Variants in FOXP2 observed in about 807,000 individuals in gnomAD.
FOXP2 encodes forkhead box P2.
In FOXP2, 12 loss-of-function variants were observed where a neutral mutation model predicts 115.8. The ratio of observed to expected loss-of-function variants is 0.10; its 90% CI spans 0.07 to 0.17. FOXP2 has a LOEUF of 0.17. Ranked by LOEUF, FOXP2 falls within the 10% of genes least tolerant of loss-of-function variation. The probability of loss-of-function intolerance (pLI) is 1.00; values close to 1 mark genes in which losing one functional copy is unlikely to be tolerated. For missense variants in FOXP2, 629 were observed against 843.5 expected, an observed-to-expected ratio of 0.75 and a Z score of 3.15; for synonymous variants, 328 against 297.7, an observed-to-expected ratio of 1.10 and a Z score of -1.05.
rs539314008 is a variant in FOXP2 at position 114,386,485 on chromosome 7, A to G, written c.-10-40017A>G. ...GATTCAGGCTACCCTGGATCATAGAAGTCCTATAAACTACTTCAGAGATGA... is the reference window on the plus strand; with the variant it reads ...GATTCAGGCTACCCTGGATCATAGAGGTCCTATAAACTACTTCAGAGATGA... On this transcript the variant is annotated intron_variant, in intron 2 of 17. Coordinates refer to the FOXP2 transcript ENST00000634411. Among the ~76,000 whole-genome samples the G allele has an allele frequency of 6.0e-4, 92 of 152,358 alleles. 1 individual carries two copies. In the Middle Eastern group the frequency reaches 0.01, roughly 17 times the overall value.
chr7:114,159,876 G>A (rs949142537), upstream of FOXP2, among the ~76,000 whole-genome samples: 1 of 152,128 alleles, frequency 6.6e-6, no homozygotes, highest in African/African-American at 2.4e-5. Flanking sequence ...AAGATACAGG[G>A]GAAGTTCTCT....
chr7:114,467,448 T>C (rs1284191885), intron 2 of FOXP2, among the ~76,000 whole-genome samples: 2 of 152,124 alleles, frequency 1.3e-5, no homozygotes, highest in South Asian at 2.1e-4. Flanking sequence ...GAAAGAAAAG[T>C]GAAGAGTGAG....
At chr7:114,138,868 G>T (rs554622692) in intron 1 of FOXP2, among the ~76,000 whole-genome samples, 41 of 152,258 alleles carry the variant, frequency 2.7e-4, no homozygotes, top group African/African-American at 9.6e-4. Flanking sequence ...ATCCTGGATG[G>T]TATCTTGGAA....
intron 6 of FOXP2, among the ~76,000 whole-genome samples, chr7:114,634,409 A>G (rs890121975): frequency 1.3e-5 from 2 of 152,050 alleles, no homozygotes; most frequent in African/African-American, 2.4e-5. Context: ...ACAATGAGAA[A>G]TAATAAAATT....
rs146579693 is a variant in FOXP2 at position 114,431,848 on chromosome 7, C to T, written c.168+5169C>T. Among the ~76,000 whole-genome samples, 199 of 151,942 alleles carry T rather than the reference C, an allele frequency of 1.3e-3. 6 individuals are homozygous for T. The East Asian group carries it at 0.034, about 26-fold the overall frequency. ...TGGTGGAAAACTTTGAGCAATAATA[C>T]TCATGGCAGGTGAGTATTTTTTTTA... On this transcript the variant is annotated intron_variant, in intron 2 of 16. Coordinates refer to ENST00000350908, the MANE Select transcript of FOXP2 (RefSeq NM_014491.4).
chr7:114,096,753 A>C (rs1451734828), intron 1 of FOXP2, among the ~76,000 whole-genome samples: 1 of 152,216 alleles, frequency 6.6e-6, no homozygotes, highest in Non-Finnish European at 1.5e-5. Flanking sequence ...GTAAGAGCAA[A>C]GTTTAAGTGC....
intron 1 of FOXP2, chr7:114,419,746 A>ACACACC (rs1428837920): frequency 2.0e-5 from 3 of 151,534 alleles, no homozygotes; most frequent in East Asian, 1.9e-4. Context: ...ACACACACAC[A>ACACACC]CCCCAGAAAG....
chr7:114,446,906 ACCTGG>A (rs1041973231), intron 2 of FOXP2, among the ~76,000 whole-genome samples: 1 of 151,016 alleles, frequency 6.6e-6, no homozygotes, highest in Non-Finnish European at 1.5e-5. Flanking sequence ...ATGCCAACAC[ACCTGG>A]CTAATTTTTG....
At chr7:114,419,378 G>A (rs1337125339) in intron 1 of FOXP2, among the ~76,000 whole-genome samples, 1 of 151,910 alleles carries the variant, frequency 6.6e-6, no homozygotes, top group Non-Finnish European at 1.5e-5. Flanking sequence ...ATTCTGATGT[G>A]TGCTAACATT....
rs569194613 is a variant in FOXP2, at chr7:114,333,505, C to T, written c.-11+45396C>T. Among the ~76,000 whole-genome samples the T allele has an allele frequency of 2.0e-5, 3 of 152,318 alleles. No homozygotes were observed. In the East Asian group the frequency reaches 5.8e-4, roughly 29 times the overall value. Reference sequence around the variant, plus strand: ...GGGTGGCTCACGCCTGTAATCCCAGCACATCGGAAGGCCGAGGCGGGCCGA... The same window carrying T: ...GGGTGGCTCACGCCTGTAATCCCAGTACATCGGAAGGCCGAGGCGGGCCGA... On this transcript the variant is annotated intron_variant, in intron 2 of 17. Transcript: ENST00000634411.
intron 2 of FOXP2, among the ~76,000 whole-genome samples, chr7:114,379,625 G>A (rs965596603): frequency 5.3e-5 from 8 of 152,102 alleles, no homozygotes; most frequent in African/African-American, 1.7e-4. Flanking sequence ...TGCATCTGGG[G>A]CTCCATTTGA....
intron 1 of FOXP2, among the ~76,000 whole-genome samples, chr7:114,262,558 A>G (rs1346151113): frequency 6.6e-6 from 1 of 152,250 alleles, no homozygotes; most frequent in Admixed American, 6.5e-5. Context: ...AGAAATGTTC[A>G]CAATCTACAT....
chr7:114,299,761 A>G (rs1796832577), intron 2 of FOXP2, among the ~76,000 whole-genome samples: 1 of 152,004 alleles, frequency 6.6e-6, no homozygotes. Flanking sequence ...CTATTTGCAT[A>G]ATGCAGGGTG....
At chr7:114,380,862 C>T (rs1792272055) in intron 2 of FOXP2, among the ~76,000 whole-genome samples, 1 of 152,244 alleles carries the variant, frequency 6.6e-6, no homozygotes, top group African/African-American at 2.4e-5. Context: ...TATTTTCTTA[C>T]TCAGGTATGC....
intron 2 of FOXP2, among the ~76,000 whole-genome samples, chr7:114,494,479 C>G (rs977035846): frequency 1.3e-5 from 2 of 152,062 alleles, no homozygotes; most frequent in African/African-American, 2.4e-5. Flanking sequence ...GCCACCATGA[C>G]CTGCTAAAAC....
Position 114,174,170 on chromosome 7 carries a change from GTA to G in FOXP2, c.-102+11088_-102+11089del, listed in dbSNP as rs201619432. ...AATAAATGTGTGTGTATGCTTATGT[GTA>G]TATATGTGTTTGTACTCCCACACAT... On this transcript the variant is annotated intron_variant, in intron 1 of 17. Coordinates refer to the FOXP2 transcript ENST00000634411. Among the ~76,000 whole-genome samples, 497 of 152,002 alleles carry G rather than the reference GTA, an allele frequency of 3.3e-3. 1 individual carries two copies. Among genetic ancestry groups the G allele is most frequent in the African/African-American group, 0.011 (464 of 41,506 alleles).
chr7:114,483,759 C>T (rs1796655090), intron 2 of FOXP2, among the ~76,000 whole-genome samples: 1 of 151,602 alleles, frequency 6.6e-6, no homozygotes, highest in African/African-American at 2.4e-5. Context: ...ATGTGTTGTA[C>T]ACATAATAGT....
At chr7:114,309,221 C>T (rs1198101692) in intron 2 of FOXP2, among the ~76,000 whole-genome samples, 2 of 152,168 alleles carry the variant, frequency 1.3e-5, no homozygotes, top group Non-Finnish European at 2.9e-5. Flanking sequence ...AAGTGATCCT[C>T]TTTGTGTGCA....
In FOXP2 at chr7:114,644,745, G is replaced by A. The variant is rs1349250538; in HGVS notation, c.1050G>A (p.Trp350Ter). The A allele has an allele frequency of 6.2e-7, 1 of 1,613,814 alleles. No homozygotes were observed. The change falls in exon 8 of 17, where the codon TGG becomes TGA. Residue 350 changes from tryptophan (W) to a stop codon, truncating the protein, a stop_gained. Transcript: ENST00000350908. LOFTEE classifies it high-confidence loss of function. ...TCTATGGCCATGGAGTTTGCAAATG[G>A]CCAGGCTGTGAAAGCATTTGTGAAG... is the stretch of plus-strand genomic sequence containing the variant. The part of the protein sequence containing the change: ...HTLYGHGVCK[W>*]PGCESICEDF...
Sources: allele counts gnomAD v4.1 joint callset (sites outside exome capture counted in the v4.1 genomes callset), GRCh38; gene constraint gnomAD v4.1.1; transcripts MANE v1.5; gene names NCBI Gene and HGNC (gene_info 2026-07-23, HGNC 2026-07-21).